The following PTN variants were observed in gnomAD, a reference collection of about 807,000 sequenced individuals.
The protein encoded by PTN is heparin affin regulatory protein.
In PTN, 18 loss-of-function variants were observed where a neutral mutation model predicts 24.1. The observed-to-expected ratio is 0.75, with a 90% CI of 0.52 to 1.11. PTN has a LOEUF of 1.11. Among genes scored for constraint, PTN ranks in the 50% least tolerant of loss-of-function variants. The pLI is 0.00. For synonymous variants in PTN, 78 were observed against 68.6 expected (o/e 1.14, Z -0.67); for missense variants, 163 against 198.8 (o/e 0.82, Z 1.08).
At position 137,258,129 on chromosome 7, in the gene PTN, G is replaced by T. The variant is rs186397545; in HGVS notation, c.-1-3155C>A. Among the ~76,000 whole-genome samples the T allele has an allele frequency of 1.2e-3, 178 of 152,046 alleles. 1 individual carries two copies. The highest frequency in any genetic ancestry group is 2.2e-3 in the Non-Finnish European group (148 of 67,982). The stretch of plus-strand genomic sequence containing the variant: ...TTTCCTTAATCCAGTTCTATTCACT[G>T]ATTTCAAGGAAAAAAACACACAGGC... On this transcript the variant is annotated intron_variant, in intron 1 of 4. Transcript: ENST00000348225.
chr7:137,269,259 T>C (rs1303281695), intron 1 of PTN, among the ~76,000 whole-genome samples: 1 of 152,214 alleles, frequency 6.6e-6, no homozygotes, highest in African/African-American at 2.4e-5. Context: ...TTTCTCTTTC[T>C]CTTTTGTTTC....
At chr7:137,274,431 T>A (rs1809327760) in intron 1 of PTN, among the ~76,000 whole-genome samples, 1 of 152,122 alleles carries the variant, frequency 6.6e-6, no homozygotes, top group Non-Finnish European at 1.5e-5. Context: ...GTTACATAGG[T>A]ACACATGTGC....
At chr7:137,239,846 G>C in intron 4 of PTN, among the ~76,000 whole-genome samples, 1 of 152,132 alleles carries the variant, frequency 6.6e-6, no homozygotes, top group African/African-American at 2.4e-5. Context: ...CAGCATAATG[G>C]ATGCCTTATC....
intron 2 of PTN, 86 bp from the exon 3 acceptor site, chr7:137,253,723 T>C (rs578218338): frequency 2.6e-6 from 3 of 1,167,600 alleles, no homozygotes; most frequent in East Asian, 2.8e-5. Context: ...AGCACCTTAA[T>C]TGCAGGATCT....
intron 1 of PTN, among the ~76,000 whole-genome samples, chr7:137,283,952 ATTTTTTTTTTTTTTTTTTTTT>A (rs753374720): frequency 5.1e-4 from 25 of 48,922 alleles, no homozygotes; most frequent in African/African-American, 2.4e-3. Flanking sequence ...TGAGCATCAG[ATTTTTTTTTTTTTTTTTTTTT>A]TTTTTTTTTT....
intron 1 of PTN, among the ~76,000 whole-genome samples, chr7:137,278,091 A>G (rs2128875480): frequency 6.6e-6 from 1 of 151,436 alleles, no homozygotes; most frequent in East Asian, 2.0e-4. Context: ...GTGGATCACG[A>G]GGTCAGGAGA....
intron 1 of PTN, among the ~76,000 whole-genome samples, chr7:137,313,073 C>T (rs530373530): frequency 0.023 from 208 of 9,050 alleles, 2 homozygotes; most frequent in Middle Eastern, 0.22. Context: ...TCTTCCTTCT[C>T]GTTCCCCCCT....
At position 137,227,876 on chromosome 7, in the gene PTN, A is replaced by G; in HGVS notation, c.*144T>C. On this transcript the variant is annotated 3_prime_UTR_variant, in exon 5 of 5. Transcript: ENST00000348225. ...TATACATTTAAAAAACGCTACTACA[A>G]AAATTTTCTTTTCTTTTTGTTTTTG... 1 of 1,153,764 alleles carries G rather than the reference A, an allele frequency of 8.7e-7. No homozygotes were observed. The highest frequency in any genetic ancestry group is 1.2e-6 in the Non-Finnish European group (1 of 848,006). The allele number at this position is 1,153,764 out of a possible 1,614,324, so 71.5% of individuals were successfully genotyped here.
intron 1 of PTN, among the ~76,000 whole-genome samples, chr7:137,335,613 G>A (rs192255891): frequency 2.0e-4 from 31 of 152,198 alleles, no homozygotes; most frequent in African/African-American, 5.1e-4. Context: ...AAGAGAGGTC[G>A]CCAAGCTAGC....
At chr7:137,248,216 A>G (rs1278966752) in intron 4 of PTN, among the ~76,000 whole-genome samples, 2 of 152,226 alleles carry the variant, frequency 1.3e-5, no homozygotes, top group African/African-American at 2.4e-5. Flanking sequence ...TATCTATCCA[A>G]GTTTATTTGA....
At chr7:137,302,176 C>G (rs1809816596) in intron 1 of PTN, among the ~76,000 whole-genome samples, 1 of 152,020 alleles carries the variant, frequency 6.6e-6, no homozygotes, top group African/African-American at 2.4e-5. Flanking sequence ...TGATCCCAAC[C>G]ATTTTGTGAA....
At chr7:137,266,868 C>CT (rs57274644) in intron 1 of PTN, among the ~76,000 whole-genome samples, 27 of 98,750 alleles carry the variant, frequency 2.7e-4, no homozygotes, top group African/African-American at 5.3e-4. Flanking sequence ...TATAGATGGC[C>CT]TTTTTTTTTT....
chr7:137,267,683 C>G (rs767800728), intron 1 of PTN, among the ~76,000 whole-genome samples: 2 of 152,044 alleles, frequency 1.3e-5, no homozygotes. Flanking sequence ...CGTGTCTCCT[C>G]GAGACAAAAC....
At position 137,324,433 on chromosome 7, in the gene PTN, A is replaced by AAAAAAAAATATATATATAT; in HGVS notation, c.-2+19005_-2+19006insATATATATATATTTTTTTT. On this transcript the variant is annotated intron_variant, in intron 1 of 4. Coordinates refer to ENST00000348225, the MANE Select transcript of PTN (RefSeq NM_002825.7). ...CCCTGTCTCTAAAAAAAAAAAAAAA[A>AAAAAAAAATATATATATAT]ATATATATATATATATATAAATTAA... 5.1e-4 allele frequency among the ~76,000 whole-genome samples: 45 copies of AAAAAAAAATATATATATAT among 88,746 alleles called. 2 individuals are homozygous for AAAAAAAAATATATATATAT. The highest frequency in any genetic ancestry group is 3.0e-3 in the African/African-American group (44 of 14,466). 58.2% of individuals were successfully genotyped at this position (88,746 alleles called of 152,430 possible).
intron 1 of PTN, among the ~76,000 whole-genome samples, chr7:137,271,422 T>C (rs1809270051): frequency 6.6e-6 from 1 of 152,216 alleles, no homozygotes; most frequent in African/African-American, 2.4e-5. Flanking sequence ...GTAGGTTTCA[T>C]GAAAACTGTC....
intron 1 of PTN, among the ~76,000 whole-genome samples, chr7:137,322,300 T>C (rs1161103248): frequency 2.0e-5 from 3 of 152,202 alleles, no homozygotes; most frequent in Admixed American, 6.5e-5. Context: ...GATGGATGTT[T>C]TCAACTGGTG....
intron 3 of PTN, among the ~76,000 whole-genome samples, chr7:137,252,052 A>T (rs1808836734): frequency 6.6e-6 from 1 of 151,956 alleles, no homozygotes; most frequent in Non-Finnish European, 1.5e-5. Context: ...TAAATTACCA[A>T]GAAACTGCTG....
At chr7:137,260,957 T>A (rs567091410) in intron 1 of PTN, among the ~76,000 whole-genome samples, 1 of 152,306 alleles carries the variant, frequency 6.6e-6, no homozygotes, top group South Asian at 2.1e-4. Context: ...TCTAATATTT[T>A]GTTCAGCTGT....
intron 1 of PTN, among the ~76,000 whole-genome samples, chr7:137,291,040 C>T (rs1183222069): frequency 6.6e-6 from 1 of 151,958 alleles, no homozygotes; most frequent in African/African-American, 2.4e-5. Context: ...TGTCAATAAC[C>T]AATATGGGAT....
Sources: allele counts gnomAD v4.1 joint callset (sites outside exome capture counted in the v4.1 genomes callset), GRCh38; gene constraint gnomAD v4.1.1; transcripts MANE v1.5; gene names NCBI Gene and HGNC (gene_info 2026-07-23, HGNC 2026-07-21).